The following DNAH8 variants were observed in gnomAD, a reference collection of about 807,000 sequenced individuals.
DNAH8 encodes dynein axonemal heavy chain 8.
A neutral mutation model predicts 562.1 loss-of-function variants in DNAH8; 382 were observed. The observed-to-expected ratio is 0.68, with a 90% CI of 0.63 to 0.74. The LOEUF (loss-of-function observed/expected upper bound fraction) is 0.74. DNAH8 is among the 30% of genes least tolerant of loss of function. The probability of loss-of-function intolerance (pLI) is 0.00; values close to 1 mark genes in which losing one functional copy is unlikely to be tolerated. For synonymous variants in DNAH8, 1,881 were observed against 1,919.4 expected (o/e 0.98, Z 0.52); for missense variants, 5,203 against 5,620.4 (o/e 0.93, Z 2.37).
intron 81 of DNAH8, among the ~76,000 whole-genome samples, chr6:38,950,260 G>C (rs1216966470): frequency 6.6e-6 from 1 of 151,322 alleles, no homozygotes; most frequent in Non-Finnish European, 1.5e-5. Context: ...GTAAAGCAGG[G>C]GAGATGAGAC....
intron 62 of DNAH8, among the ~76,000 whole-genome samples, chr6:38,902,043 A>G (rs1780114415): frequency 6.6e-6 from 1 of 152,170 alleles, no homozygotes; most frequent in Admixed American, 6.5e-5. Context: ...ACTCACTGGC[A>G]TTATCTGTCT....
chr6:38,875,820 C>G lies in DNAH8; in HGVS notation c.7850C>G (p.Thr2617Ser). 1 of 1,607,912 alleles carries G rather than the reference C, an allele frequency of 6.2e-7. No homozygotes were observed. Among genetic ancestry groups the G allele is most frequent in the South Asian group, 1.1e-5 (1 of 90,904 alleles). The change falls in exon 53 of 93, where the codon ACT becomes AGT. Residue 2617 changes from threonine (T) to serine (S), a missense_variant. By Grantham distance (58) the Thr-to-Ser change is moderately conservative. This residue lies in a region of DNAH8 where 977 missense variants were observed against 1,061.8 expected (regional missense o/e 0.92). Coordinates refer to ENST00000327475, the MANE Select transcript of DNAH8 (RefSeq NM_001206927.2). ...CAAACCATGTATGAGTTTTATGTTA[C>G]TGATTATGGTAAGCCCACTGAACTA... The part of the protein sequence containing the change: ...SNQTMYEFYV[T>S]DYGDWEHWNK...
intron 91 of DNAH8, among the ~76,000 whole-genome samples, chr6:39,015,505 G>A (rs1163313443): frequency 2.6e-5 from 4 of 152,092 alleles, no homozygotes; most frequent in Admixed American, 1.3e-4. Flanking sequence ...GAGTTCTCAC[G>A]AGATCTGATG....
chr6:38,725,527 T>A (rs7743381), intron 3 of DNAH8, among the ~76,000 whole-genome samples: 79,867 of 151,728 alleles, frequency 0.53, 21,952 homozygotes, highest in East Asian at 0.93. Context: ...ATGCAAAGAC[T>A]TCAATAGCTC....
chr6:38,851,953 G>T (rs1432260401), intron 39 of DNAH8, among the ~76,000 whole-genome samples: 1 of 152,080 alleles, frequency 6.6e-6, no homozygotes, highest in East Asian at 1.9e-4. Flanking sequence ...GTAAAATCAG[G>T]ATATTAATGG....
chr6:38,729,255 A>C (rs763722692), intron 3 of DNAH8, among the ~76,000 whole-genome samples: 4 of 152,162 alleles, frequency 2.6e-5, no homozygotes, highest in Non-Finnish European at 5.9e-5. Context: ...CTCACTACCC[A>C]AGAGAAAGCC....
chr6:38,730,330 G>T (rs1308059303), intron 4 of DNAH8, among the ~76,000 whole-genome samples: 1 of 152,202 alleles, frequency 6.6e-6, no homozygotes, highest in South Asian at 2.1e-4. Flanking sequence ...GAGCCCTGCA[G>T]CTACCCCCTG....
chr6:38,726,379 CTGTT>C (rs1408911227), intron 3 of DNAH8, among the ~76,000 whole-genome samples: 7 of 152,178 alleles, frequency 4.6e-5, no homozygotes, highest in Non-Finnish European at 7.3e-5. Flanking sequence ...TTGGTATTCT[CTGTT>C]TGGAGGAATT....
Position 38,904,741 on chromosome 6 carries a change from G to A in DNAH8, c.9195-1513G>A, listed in dbSNP as rs924295536. On this transcript the variant is annotated intron_variant, in intron 62 of 92. Coordinates refer to ENST00000327475, the MANE Select transcript of DNAH8 (RefSeq NM_001206927.2). Reference sequence around the variant, plus strand: ...CTGATGGTGGAGGTTGCAGTGAGCCGAGATCATGCCATTGCACTCCAGCCT... The same window carrying A: ...CTGATGGTGGAGGTTGCAGTGAGCCAAGATCATGCCATTGCACTCCAGCCT... 2.2e-5 allele frequency among the ~76,000 whole-genome samples: 3 copies of A among 139,244 alleles called. No individual in the cohort carries two copies. In the South Asian group the frequency reaches 6.7e-4, roughly 31 times the overall value. The allele number at this position is 139,244 out of a possible 152,430, so 91.3% of individuals were successfully genotyped here.
intron 37 of DNAH8, among the ~76,000 whole-genome samples, chr6:38,849,813 C>T (rs1289098310): frequency 4.6e-5 from 7 of 151,928 alleles, no homozygotes; most frequent in Non-Finnish European, 7.4e-5. Context: ...GCTTTACTGT[C>T]TTTTTTCTTT....
chr6:38,781,010 A>G (rs541573886), intron 15 of DNAH8, among the ~76,000 whole-genome samples: 11 of 152,242 alleles, frequency 7.2e-5, no homozygotes, highest in Admixed American at 6.5e-4. Flanking sequence ...GAAATTTGGG[A>G]TAAGGGCAGA....
At chr6:38,897,915 A>G (rs1779808901) in intron 60 of DNAH8, among the ~76,000 whole-genome samples, 1 of 152,374 alleles carries the variant, frequency 6.6e-6, no homozygotes, top group African/African-American at 2.4e-5. Flanking sequence ...TAAATAATGT[A>G]AAACCTTTTT....
At chr6:38,965,184 A>G (rs1351134178) in intron 82 of DNAH8, among the ~76,000 whole-genome samples, 1 of 151,920 alleles carries the variant, frequency 6.6e-6, no homozygotes, top group Non-Finnish European at 1.5e-5. Context: ...GGAGTCAGAT[A>G]TGTTTCAGAA....
At chr6:38,949,233 G>T (rs1004445749) in intron 80 of DNAH8, among the ~76,000 whole-genome samples, 1 of 152,144 alleles carries the variant, frequency 6.6e-6, no homozygotes, top group African/African-American at 2.4e-5. Flanking sequence ...GATCCTAATT[G>T]TAGCGAATAA....
At chr6:39,010,908 G>A (rs1000317974) in intron 89 of DNAH8, among the ~76,000 whole-genome samples, 1 of 151,870 alleles carries the variant, frequency 6.6e-6, no homozygotes, top group Non-Finnish European at 1.5e-5. Context: ...TGAAGGACTT[G>A]GGATGGAGAT....
At chr6:38,780,252 C>T (rs1344902432) in intron 15 of DNAH8, among the ~76,000 whole-genome samples, 187 bp downstream of exon 15, 1 of 152,298 alleles carries the variant, frequency 6.6e-6, no homozygotes, top group South Asian at 2.1e-4. Context: ...CAGATTTACT[C>T]CTCTTTGCTG....
chr6:38,802,812 A>G (rs1033951705), intron 21 of DNAH8, among the ~76,000 whole-genome samples: 14 of 152,240 alleles, frequency 9.2e-5, no homozygotes, highest in African/African-American at 3.4e-4. Context: ...TCTCCAAACC[A>G]ATACTCTGGA....
intron 92 of DNAH8, among the ~76,000 whole-genome samples, chr6:39,028,530 C>T (rs2150804712): frequency 6.6e-6 from 1 of 152,274 alleles, no homozygotes; most frequent in East Asian, 1.9e-4. Flanking sequence ...ATAAAGTTAC[C>T]AGTCACATTG....
chr6:38,983,861 C>G (rs1764191874), intron 86 of DNAH8, among the ~76,000 whole-genome samples: 1 of 152,128 alleles, frequency 6.6e-6, no homozygotes. Context: ...CCTTTTTTCA[C>G]TAAACACCAC....
Sources: allele counts gnomAD v4.1 joint callset (sites outside exome capture counted in the v4.1 genomes callset), GRCh38; gene constraint gnomAD v4.1.1; regional missense constraint gnomAD v4.1.1; transcripts MANE v1.5; gene names NCBI Gene and HGNC (gene_info 2026-07-23, HGNC 2026-07-21).